RHOJ: variants seen among roughly 807,000 people sequenced by gnomAD.
RHOJ encodes the protein rho-related GTP-binding protein RhoJ.
Under a neutral mutation model 23.4 loss-of-function variants are expected in RHOJ, and 11 were observed. The observed-to-expected ratio is 0.47, with a 90% CI of 0.30 to 0.78. The LOEUF is 0.78. RHOJ is among the 30% of genes least tolerant of loss of function. The pLI is 0.08. For missense variants in RHOJ, 254 were observed against 273.4 expected, an observed-to-expected ratio of 0.93 and a Z score of 0.50; for synonymous variants, 102 against 102.7, an observed-to-expected ratio of 0.99 and a Z score of 0.04.
intron 1 of RHOJ, among the ~76,000 whole-genome samples, chr14:63,267,655 G>A (rs929857719): frequency 5.9e-4 from 90 of 152,320 alleles, no homozygotes; most frequent in Non-Finnish European, 9.1e-4. Context: ...AATTAAACAG[G>A]ACAAGAGCTC....
chr14:63,269,396 CTT>C, intron 2 of RHOJ: 1 of 397,486 alleles, frequency 2.5e-6, no homozygotes, highest in Non-Finnish European at 4.5e-6. Context: ...AATAATGATT[CTT>C]TTGACTGATG....
At chr14:63,277,040 T>C (rs902285871) in intron 2 of RHOJ, among the ~76,000 whole-genome samples, 1 of 152,192 alleles carries the variant, frequency 6.6e-6, no homozygotes, top group African/African-American at 2.4e-5. Flanking sequence ...TGAGTCAAGA[T>C]TCCTAGATAA....
chr14:63,237,329 C>T (rs565383429), intron 1 of RHOJ, among the ~76,000 whole-genome samples: 10 of 152,050 alleles, frequency 6.6e-5, no homozygotes, highest in African/African-American at 2.2e-4. Flanking sequence ...TTAACCAGCT[C>T]AGTTTATTTT....
At position 63,219,852 on chromosome 14, in the gene RHOJ, G is replaced by C. The variant is rs188396328; in HGVS notation, c.178+14805G>C. ...AAAAGGTCTCTTTTCCTCCCCCTCT[G>C]TAGTATCTCTGTCTGGTGAATTTCT... On this transcript the variant is annotated intron_variant, in intron 1 of 4. Transcript: ENST00000316754. Among the ~76,000 whole-genome samples the C allele has an allele frequency of 2.2e-3, 338 of 151,346 alleles. 1 individual carries two copies. Among genetic ancestry groups the C allele is most frequent in the Non-Finnish European group, 4.0e-3 (269 of 67,910 alleles).
At chr14:63,207,881 G>A (rs138181369) in intron 1 of RHOJ, among the ~76,000 whole-genome samples, 208 of 152,316 alleles carry the variant, frequency 1.4e-3, no homozygotes, top group African/African-American at 4.9e-3. Context: ...TGCCTCATGT[G>A]TGATAAGAGT....
chr14:63,236,183 T>A (rs1199030152), intron 1 of RHOJ, among the ~76,000 whole-genome samples: 1 of 152,234 alleles, frequency 6.6e-6, no homozygotes, highest in African/African-American at 2.4e-5. Context: ...AGGCTCTGTT[T>A]CATGCATCAC....
At chr14:63,224,154 C>T (rs1180662390) in intron 1 of RHOJ, among the ~76,000 whole-genome samples, 2 of 152,156 alleles carry the variant, frequency 1.3e-5, no homozygotes, top group East Asian at 3.8e-4. Context: ...TAATAAATCA[C>T]TTAATTTATT....
At chr14:63,267,410 C>T (rs901692353) in intron 1 of RHOJ, among the ~76,000 whole-genome samples, 4 of 152,216 alleles carry the variant, frequency 2.6e-5, no homozygotes, top group African/African-American at 9.6e-5. Context: ...CTAGGAATCA[C>T]TCCACAGATG....
At chr14:63,230,859 T>TTTTTTTTTTTG (rs1594757608) in intron 1 of RHOJ, among the ~76,000 whole-genome samples, 2 of 149,596 alleles carry the variant, frequency 1.3e-5, no homozygotes, top group African/African-American at 2.5e-5. Context: ...TTTTTTTTTT[T>TTTTTTTTTTTG]AGATGGAGTC....
chr14:63,278,114 G>C (rs991810781), intron 2 of RHOJ, among the ~76,000 whole-genome samples: 1 of 151,992 alleles, frequency 6.6e-6, no homozygotes, highest in South Asian at 2.1e-4. Context: ...CTAGAAATGT[G>C]GTAAATTAGC....
At chr14:63,210,235 C>G (rs1019225814) in intron 1 of RHOJ, among the ~76,000 whole-genome samples, 3 of 152,062 alleles carry the variant, frequency 2.0e-5, no homozygotes, top group African/African-American at 7.2e-5. Context: ...GCTGGGATTA[C>G]AGGCGTGAAC....
chr14:63,220,356 C>A (rs1894462265), intron 1 of RHOJ, among the ~76,000 whole-genome samples: 1 of 147,492 alleles, frequency 6.8e-6, no homozygotes, highest in African/African-American at 2.5e-5. Flanking sequence ...TCTCTTAATA[C>A]CTGAGTAATT....
At chr14:63,245,699 C>A (rs575268434) in intron 1 of RHOJ, among the ~76,000 whole-genome samples, 2 of 152,132 alleles carry the variant, frequency 1.3e-5, no homozygotes, top group Non-Finnish European at 2.9e-5. Context: ...CTGTACAAAT[C>A]TGATCTTAGA....
chr14:63,219,464 T>C (rs929739116), intron 1 of RHOJ, among the ~76,000 whole-genome samples: 3 of 152,212 alleles, frequency 2.0e-5, no homozygotes, highest in Admixed American at 6.5e-5. Context: ...TTATTTAGTC[T>C]TTTTGCCTTC....
intron 4 of RHOJ, among the ~76,000 whole-genome samples, chr14:63,289,064 T>G (rs1303692551): frequency 6.6e-6 from 1 of 152,202 alleles, no homozygotes; most frequent in African/African-American, 2.4e-5. Context: ...ATTTTACCTC[T>G]CTGGGGTTAT....
chr14:63,217,714 T>C (rs555895255), intron 1 of RHOJ, among the ~76,000 whole-genome samples: 10 of 152,144 alleles, frequency 6.6e-5, no homozygotes, highest in Non-Finnish European at 1.5e-4. Flanking sequence ...CTAAAGAGCT[T>C]CTGCACAGCA....
At chr14:63,225,203 G>A (rs538386252) in intron 1 of RHOJ, among the ~76,000 whole-genome samples, 7 of 152,068 alleles carry the variant, frequency 4.6e-5, no homozygotes, top group South Asian at 2.1e-4. Context: ...TGTCCGCCTC[G>A]GCCTCCCAAA....
intron 1 of RHOJ, among the ~76,000 whole-genome samples, chr14:63,259,434 C>T (rs989544321): frequency 1.3e-5 from 2 of 152,212 alleles, no homozygotes; most frequent in African/African-American, 4.8e-5. Flanking sequence ...AGCTTTGAAA[C>T]TCTCCTTAAG....
chr14:63,280,084 C>T (rs1181065552), intron 2 of RHOJ, among the ~76,000 whole-genome samples: 1 of 152,092 alleles, frequency 6.6e-6, no homozygotes, highest in East Asian at 1.9e-4. Flanking sequence ...AGTACAGTGG[C>T]ATGATCACGG....
Sources: allele counts gnomAD v4.1 joint callset (sites outside exome capture counted in the v4.1 genomes callset), GRCh38; gene constraint gnomAD v4.1.1; transcripts MANE v1.5; gene names NCBI Gene and HGNC (gene_info 2026-07-23, HGNC 2026-07-21).